Variants in LRRC7 observed in about 807,000 individuals in gnomAD.
The protein encoded by LRRC7 is leucine-rich repeat-containing protein 7.
Under a neutral mutation model 175.7 loss-of-function variants are expected in LRRC7, and 23 were observed. That is an observed-to-expected ratio of 0.13 (90% CI 0.09 to 0.19). The LOEUF (loss-of-function observed/expected upper bound fraction) is 0.19, where lower values mean the gene tolerates loss of function less well. LRRC7 is among the 10% of genes least tolerant of loss of function. The pLI is 1.00. For synonymous variants in LRRC7, 685 were observed against 680.9 expected, an observed-to-expected ratio of 1.01 and a Z score of -0.09; for missense variants, 1,354 against 1,904.7, an observed-to-expected ratio of 0.71 and a Z score of 5.38.
In LRRC7 at chr1:69,756,429, G is replaced by T. The variant is rs934046010; in HGVS notation, c.101-3762G>T. Among the ~76,000 whole-genome samples the T allele has an allele frequency of 5.1e-4, 77 of 151,730 alleles. 1 individual carries two copies. Among genetic ancestry groups the T allele is most frequent in the African/African-American group, 1.7e-3 (71 of 41,456 alleles). On this transcript the variant is annotated intron_variant, in intron 2 of 26. Coordinates refer to ENST00000651989, the MANE Select transcript of LRRC7 (RefSeq NM_001370785.2). ...CTTCCAGAGTGAAAGGGCTCATCAA[G>T]TGCCTAGTATGATAGATTAAAAAAA...
At chr1:70,051,776 G>T (rs1660764349) in intron 22 of LRRC7, among the ~76,000 whole-genome samples, 1 of 151,676 alleles carries the variant, frequency 6.6e-6, no homozygotes, top group Admixed American at 6.6e-5. Flanking sequence ...ACTTCATCTA[G>T]TGTCATATTA....
chr1:69,944,818 G>T (rs1649132604), intron 8 of LRRC7, among the ~76,000 whole-genome samples: 1 of 151,626 alleles, frequency 6.6e-6, no homozygotes, highest in Non-Finnish European at 1.5e-5. Context: ...CTTTTTTTAA[G>T]AAATGACTCT....
intron 8 of LRRC7, among the ~76,000 whole-genome samples, chr1:69,954,054 A>C (rs974877149): frequency 1.3e-5 from 2 of 152,056 alleles, no homozygotes; most frequent in Non-Finnish European, 2.9e-5. Context: ...CCATTTGAAC[A>C]TAGTAGTTTC....
intron 1 of LRRC7, among the ~76,000 whole-genome samples, chr1:69,630,961 A>T (rs1346280123): frequency 6.6e-6 from 1 of 152,088 alleles, no homozygotes; most frequent in Admixed American, 6.6e-5. Context: ...TTTGGGTTAC[A>T]TGCTTTAAAA....
intron 1 of LRRC7, among the ~76,000 whole-genome samples, chr1:69,594,048 T>G (rs1235066104): frequency 2.0e-5 from 3 of 152,182 alleles, no homozygotes; most frequent in Non-Finnish European, 4.4e-5. Context: ...TTGTGGTATA[T>G]TGAGATGGAT....
chr1:69,952,065 G>T lies in LRRC7; in HGVS notation c.711+20495G>T, dbSNP rs139649759. Among the ~76,000 whole-genome samples, 3 of 151,870 alleles carry T rather than the reference G, an allele frequency of 2.0e-5. No homozygotes were observed. The East Asian group carries it at 5.8e-4, about 29-fold the overall frequency. ...GACCCTATGAAAATGGATAAAAACA[G>T]AAAATAAAATGTACAGAATCAGAAG... On this transcript the variant is annotated intron_variant, in intron 8 of 26. Transcript: ENST00000651989.
chr1:69,822,775 T>C (rs1166558305), intron 4 of LRRC7, among the ~76,000 whole-genome samples: 1 of 152,320 alleles, frequency 6.6e-6, no homozygotes, highest in East Asian at 1.9e-4. Context: ...TCAATGAGTC[T>C]ACTCTCATAA....
intron 2 of LRRC7, among the ~76,000 whole-genome samples, chr1:69,735,949 T>C (rs1668069116): frequency 6.6e-6 from 1 of 152,080 alleles, no homozygotes; most frequent in South Asian, 2.1e-4. Context: ...ATTAAATGAT[T>C]TTTTAAATTC....
chr1:69,817,916 T>C (rs1319339927), intron 4 of LRRC7, among the ~76,000 whole-genome samples: 1 of 152,144 alleles, frequency 6.6e-6, no homozygotes, highest in Non-Finnish European at 1.5e-5. Flanking sequence ...CTTTTTCACA[T>C]AGTTTGTTGT....
chr1:69,592,727 A>G (rs1031456621), intron 1 of LRRC7, among the ~76,000 whole-genome samples: 1 of 152,084 alleles, frequency 6.6e-6, no homozygotes, highest in Non-Finnish European at 1.5e-5. Context: ...CATTTACCAG[A>G]TATAATTCAG....
intron 23 of LRRC7, among the ~76,000 whole-genome samples, chr1:70,061,180 C>A (rs1446785635): frequency 6.6e-6 from 1 of 152,114 alleles, no homozygotes; most frequent in African/African-American, 2.4e-5. Flanking sequence ...CCGAGAGTAG[C>A]AAAGTTTTCA....
chr1:69,739,906 A>C (rs1286647554), intron 2 of LRRC7, among the ~76,000 whole-genome samples: 1 of 152,102 alleles, frequency 6.6e-6, no homozygotes, highest in Non-Finnish European at 1.5e-5. Context: ...GAATGCACTT[A>C]AGTGTACAGT....
At chr1:69,771,875 C>T (rs1348432749) in intron 3 of LRRC7, among the ~76,000 whole-genome samples, 2 of 152,154 alleles carry the variant, frequency 1.3e-5, no homozygotes, top group Non-Finnish European at 2.9e-5. Flanking sequence ...AATCCCAGCA[C>T]TTTGGGATGC....
chr1:70,060,945 C>G (rs1361986782), intron 23 of LRRC7, among the ~76,000 whole-genome samples: 1 of 152,122 alleles, frequency 6.6e-6, no homozygotes, highest in African/African-American at 2.4e-5. Context: ...TGAAGAACCC[C>G]CAGGAGTTAT....
chr1:69,903,169 C>T lies in LRRC7; in HGVS notation c.648-28338C>T, dbSNP rs61782600. Among the ~76,000 whole-genome samples the T allele has an allele frequency of 3.7e-3, 567 of 152,272 alleles. 2 individuals carry two copies. The highest frequency in any genetic ancestry group is 0.027 in the Middle Eastern group (8 of 294). ...GAAATTTGTTCTTAAGTTGCCATTG[C>T]ACCAGAGAGCTGGGCAAGATGGTTG... On this transcript the variant is annotated intron_variant, in intron 7 of 26. Transcript: ENST00000651989.
intron 7 of LRRC7, among the ~76,000 whole-genome samples, chr1:69,898,662 A>ACTGCTGCTGCTGCTG (rs35234345): frequency 4.9e-4 from 74 of 150,878 alleles, no homozygotes; most frequent in African/African-American, 1.7e-3. Flanking sequence ...TGCTATCATC[A>ACTGCTGCTGCTGCTG]CTGCTGCTGC....
At chr1:69,860,375 T>G (rs1684225380) in intron 7 of LRRC7, among the ~76,000 whole-genome samples, 1 of 151,844 alleles carries the variant, frequency 6.6e-6, no homozygotes, top group African/African-American at 2.4e-5. Flanking sequence ...ATTTTATAGA[T>G]GAGGAAAAAA....
intron 4 of LRRC7, among the ~76,000 whole-genome samples, chr1:69,808,689 A>G (rs1677434242): frequency 6.6e-6 from 1 of 152,162 alleles, no homozygotes; most frequent in Admixed American, 6.6e-5. Flanking sequence ...ATTAATGCAG[A>G]AATAAATAAG....
At chr1:70,090,685 G>GA (rs1165681465) in intron 25 of LRRC7, among the ~76,000 whole-genome samples, 1 of 151,774 alleles carries the variant, frequency 6.6e-6, no homozygotes, top group African/African-American at 2.4e-5. Context: ...GATGAAGAAG[G>GA]AAAAAAATTA....
Sources: gnomAD v4.1 joint callset for allele counts (sites outside exome capture counted in the v4.1 genomes callset) on GRCh38, gnomAD v4.1.1 for gene constraint, MANE v1.5 for transcripts, NCBI Gene and HGNC (gene_info 2026-07-23, HGNC 2026-07-21) for gene names.